The following SND1 variants were observed in gnomAD, a reference collection of about 807,000 sequenced individuals.
SND1 encodes staphylococcal nuclease and tudor domain containing 1, also known as staphylococcal nuclease domain-containing protein 1.
In SND1, 38 loss-of-function variants were observed where a neutral mutation model predicts 121.7. The ratio of observed to expected loss-of-function variants is 0.31; its 90% CI spans 0.24 to 0.41. The LOEUF (loss-of-function observed/expected upper bound fraction) is 0.41. Ranked by LOEUF, SND1 falls within the 10% of genes least tolerant of loss-of-function variation. The probability of loss-of-function intolerance (pLI) is 1.00; values close to 1 mark genes in which losing one functional copy is unlikely to be tolerated. For synonymous variants in SND1, 401 were observed against 447.4 expected (o/e 0.90, Z 1.31); for missense variants, 868 against 1,184.6 (o/e 0.73, Z 3.92).
At chr7:127,707,732 G>GAA (rs1796225860) in intron 9 of SND1, 85 bp downstream of exon 9, 4 of 1,190,370 alleles carry the variant, frequency 3.4e-6, no homozygotes, top group Middle Eastern at 2.0e-4. Flanking sequence ...TAGAAATGCT[G>GAA]AAGCTCTTGA....
chr7:127,972,675 G>A (rs545722857), intron 15 of SND1, among the ~76,000 whole-genome samples: 2 of 152,294 alleles, frequency 1.3e-5, no homozygotes, highest in African/African-American at 4.8e-5. Context: ...TGCCCTCTGG[G>A]TTCAAGCAAT....
intron 11 of SND1, among the ~76,000 whole-genome samples, chr7:127,823,464 G>A (rs545563300): frequency 2.4e-4 from 36 of 152,020 alleles, no homozygotes; most frequent in South Asian, 4.2e-4. Context: ...GGGAATTGGC[G>A]GGACATCTCA....
chr7:127,676,641 GTATC>G (rs1795621181), intron 1 of SND1, among the ~76,000 whole-genome samples: 2 of 152,176 alleles, frequency 1.3e-5, no homozygotes, highest in African/African-American at 2.4e-5. Context: ...TAGTGAGTGG[GTATC>G]TTAACTGATA....
chr7:127,947,027 G>C (rs1003458802), intron 15 of SND1, among the ~76,000 whole-genome samples: 1 of 152,064 alleles, frequency 6.6e-6, no homozygotes, highest in Admixed American at 6.5e-5. Context: ...CACCATTCTT[G>C]TTTCATGATA....
intron 13 of SND1, 64 bp from the exon 14 acceptor site, chr7:127,904,683 C>T (rs1376235033): frequency 3.1e-5 from 34 of 1,103,976 alleles, no homozygotes; most frequent in Middle Eastern, 4.0e-4. Flanking sequence ...TTCATTTTTG[C>T]ACCCTCCTAC....
intron 12 of SND1, among the ~76,000 whole-genome samples, chr7:127,864,961 A>G (rs956239385): frequency 2.6e-5 from 4 of 152,210 alleles, no homozygotes; most frequent in East Asian, 1.9e-4. Flanking sequence ...ATGAATGAGG[A>G]TGTGAGTGAA....
intron 14 of SND1, among the ~76,000 whole-genome samples, chr7:127,915,899 A>G (rs1463424504): frequency 1.3e-5 from 2 of 152,178 alleles, no homozygotes; most frequent in Non-Finnish European, 2.9e-5. Context: ...GAATAACTGA[A>G]TAATTTGGAC....
chr7:128,091,941 G>C, intron 23 of SND1, 52 bp from the exon 24 acceptor site: 1 of 1,613,952 alleles, frequency 6.2e-7, no homozygotes, highest in Non-Finnish European at 8.5e-7. Context: ...GGCCCTCTGA[G>C]TTCCGGTGGG....
intron 15 of SND1, among the ~76,000 whole-genome samples, chr7:127,960,095 T>C (rs1335784670): frequency 6.6e-6 from 1 of 152,184 alleles, no homozygotes; most frequent in Non-Finnish European, 1.5e-5. Flanking sequence ...ACTTACCGGG[T>C]GGCAAGACCA....
intron 12 of SND1, among the ~76,000 whole-genome samples, chr7:127,868,211 G>T (rs1458391823): frequency 6.6e-6 from 1 of 152,158 alleles, no homozygotes; most frequent in Admixed American, 6.5e-5. Context: ...GGGCAACATG[G>T]TGAAACCCTT....
chr7:127,796,495 T>A (rs1798029444), intron 10 of SND1, among the ~76,000 whole-genome samples: 1 of 152,218 alleles, frequency 6.6e-6, no homozygotes, highest in South Asian at 2.1e-4. Context: ...AACAGCTTTT[T>A]TTCTCGTTCA....
chr7:127,767,108 C>G (rs1563006132), intron 10 of SND1, among the ~76,000 whole-genome samples: 1 of 152,058 alleles, frequency 6.6e-6, no homozygotes, highest in Non-Finnish European at 1.5e-5. Context: ...TTAATCGTCA[C>G]TTACTCATCC....
chr7:127,826,926 A>G (rs1798653830), intron 11 of SND1, among the ~76,000 whole-genome samples: 1 of 152,124 alleles, frequency 6.6e-6, no homozygotes, highest in Non-Finnish European at 1.5e-5. Flanking sequence ...CATTTCTTTT[A>G]AAGGGTAGCT....
rs1797223749 is a variant in SND1 at position 127,757,826 on chromosome 7, C to T, written c.1152+36426C>T. Among the ~76,000 whole-genome samples the T allele has an allele frequency of 1.3e-5, 2 of 151,882 alleles. 1 individual carries two copies. Among genetic ancestry groups the T allele is most frequent in the South Asian group, 4.2e-4 (2 of 4,818 alleles). On this transcript the variant is annotated intron_variant, in intron 10 of 23. Transcript: ENST00000354725. ...TGAATATCTTCTAATTTGTGGTTGCCCTTTGTACTCTCTTAATGGCTGACA... is the reference window on the plus strand; with the variant it reads ...TGAATATCTTCTAATTTGTGGTTGCTCTTTGTACTCTCTTAATGGCTGACA...
At chr7:128,040,693 C>G (rs1792839878) in intron 16 of SND1, among the ~76,000 whole-genome samples, 2 of 152,190 alleles carry the variant, frequency 1.3e-5, no homozygotes, top group African/African-American at 4.8e-5. Context: ...TTAATCTATT[C>G]AATTTGGCTT....
intron 14 of SND1, among the ~76,000 whole-genome samples, chr7:127,925,520 A>T (rs1800810633): frequency 6.6e-6 from 1 of 152,122 alleles, no homozygotes; most frequent in South Asian, 2.1e-4. Flanking sequence ...CCTTGAAATG[A>T]GCATTCTGTG....
intron 10 of SND1, among the ~76,000 whole-genome samples, chr7:127,790,703 A>G (rs746346246): frequency 1.3e-5 from 2 of 152,214 alleles, no homozygotes; most frequent in Non-Finnish European, 2.9e-5. Context: ...AGGATTACAG[A>G]TGCATAATAC....
At chr7:127,786,277 A>G (rs751612689) in intron 10 of SND1, among the ~76,000 whole-genome samples, 7 of 152,274 alleles carry the variant, frequency 4.6e-5, no homozygotes, top group Non-Finnish European at 1.0e-4. Flanking sequence ...ATTGATCGCT[A>G]TGTATTTTAG....
At chr7:128,089,434 G>A in intron 21 of SND1, 55 bp from the exon 22 acceptor site, 1 of 1,518,822 alleles carries the variant, frequency 6.6e-7, no homozygotes, top group South Asian at 1.2e-5. Context: ...ACAGGAGCTG[G>A]GGCCCAAGTG....
Sources: gnomAD v4.1 joint callset for allele counts (sites outside exome capture counted in the v4.1 genomes callset) on GRCh38, gnomAD v4.1.1 for gene constraint, MANE v1.5 for transcripts, NCBI Gene and HGNC (gene_info 2026-07-23, HGNC 2026-07-21) for gene names.